Variants in ASS1 observed in about 807,000 individuals in gnomAD.
ASS1 encodes the protein argininosuccinate synthase.
A neutral mutation model predicts 60.5 loss-of-function variants in ASS1; 58 were observed. The observed-to-expected ratio is 0.96, with a 90% CI of 0.78 to 1.19. The LOEUF (loss-of-function observed/expected upper bound fraction) is 1.19. ASS1 is among the 50% of genes most tolerant of loss of function. The pLI is 0.00. For missense variants in ASS1, 454 were observed against 547.3 expected, an observed-to-expected ratio of 0.83 and a Z score of 1.70; for synonymous variants, 200 against 206.9, an observed-to-expected ratio of 0.97 and a Z score of 0.29.
At chr9:130,498,670 AACC>A (rs557404748) in intron 13 of ASS1, among the ~76,000 whole-genome samples, 19 of 152,324 alleles carry the variant, frequency 1.2e-4, no homozygotes, top group African/African-American at 4.3e-4. Context: ...ACTGAGAGCT[AACC>A]ACCATCACGC....
At chr9:130,458,157 T>TG (rs1678812577) in intron 3 of ASS1, among the ~76,000 whole-genome samples, 6 of 104,258 alleles carry the variant, frequency 5.8e-5, no homozygotes, top group Admixed American at 4.0e-4. Flanking sequence ...AGACTTCGAC[T>TG]CAAAAAAAAA....
chr9:130,479,992 C>A, intron 10 of ASS1, 192 bp downstream of exon 10: 2 of 753,820 alleles, frequency 2.7e-6, no homozygotes, highest in South Asian at 2.9e-5. Flanking sequence ...TGGTCCTTAG[C>A]CTTGGAAGAT....
chr9:130,461,483 G>T (rs1845593146), intron 4 of ASS1, among the ~76,000 whole-genome samples: 1 of 152,152 alleles, frequency 6.6e-6, no homozygotes, highest in African/African-American at 2.4e-5. Flanking sequence ...CCAAGCTAGT[G>T]CTATGGCCGC....
chr9:130,466,436 G>A (rs1406719499), intron 5 of ASS1: 1 of 513,806 alleles, frequency 1.9e-6, no homozygotes, highest in Admixed American at 3.2e-5. Flanking sequence ...CAAACTCTCA[G>A]GTCTCATCTG....
chr9:130,465,056 A>ATATATATATATATTTTTTTTTTTTTTTTT (rs1479147331), intron 5 of ASS1, among the ~76,000 whole-genome samples: 2 of 120,140 alleles, frequency 1.7e-5, no homozygotes, highest in African/African-American at 7.2e-5. Context: ...ATATATATAT[A>ATATATATATATATTTTTTTTTTTTTTTTT]TTTTTTTTTT....
Position 130,489,959 on chromosome 9 carries a change from T to C in ASS1, c.970+495T>C, listed in dbSNP as rs567422231. Among the ~76,000 whole-genome samples the C allele has an allele frequency of 6.6e-6, 1 of 152,324 alleles. No homozygotes were observed. The highest frequency in any genetic ancestry group is 2.1e-4 in the South Asian group (1 of 4,824). ...AGAACCTGGACCTACTCCATGAACT[T>C]GAGGGAGAGGCTCCCTGGACCAGGA... On this transcript the variant is annotated intron_variant, in intron 12 of 14. Transcript: ENST00000352480. The surrounding 1 kb of genome is among the most constrained non-coding windows in gnomAD (Gnocchi z 4.1).
At position 130,465,649 on chromosome 9, in the gene ASS1, GC is replaced by G. The variant is rs150692034; in HGVS notation, c.421-1071del. On this transcript the variant is annotated intron_variant, in intron 5 of 14. Coordinates refer to ENST00000352480, the MANE Select transcript of ASS1 (RefSeq NM_054012.4). ...CTCTGGAAGAGTTGCCCCCTCCTAA[GC>G]CCCCAAGGGGCTCACAGGAGTTTCC... Among the ~76,000 whole-genome samples, 996 of 152,302 alleles carry G rather than the reference GC, an allele frequency of 6.5e-3. 23 individuals carry two copies. The East Asian group carries it at 0.073, about 11-fold the overall frequency.
At chr9:130,492,031 T>C (rs537074315) in intron 12 of ASS1, among the ~76,000 whole-genome samples, 1 of 152,122 alleles carries the variant, frequency 6.6e-6, no homozygotes, top group South Asian at 2.1e-4. Context: ...ATCTGAAGAG[T>C]GGGAATAACA....
rs1464492632 is a variant in ASS1, at chr9:130,477,570, C to T, written c.688+609C>T. On this transcript the variant is annotated intron_variant, in intron 9 of 14. Transcript: ENST00000352480. This position sits in a 1 kb window ranked among gnomAD's most constrained non-coding sequence, Gnocchi z 4.2. Reference sequence around the variant, plus strand: ...CCTTCTCACTGCTGTCAACAAGAAGCGTTTGCTGACCTGGCCTGAGTGCCT... The same window carrying T: ...CCTTCTCACTGCTGTCAACAAGAAGTGTTTGCTGACCTGGCCTGAGTGCCT... Among the ~76,000 whole-genome samples the T allele has an allele frequency of 1.3e-5, 2 of 152,242 alleles. No individual in the cohort carries two copies. Among genetic ancestry groups the T allele is most frequent in the Non-Finnish European group, 2.9e-5 (2 of 68,036 alleles).
rs1352360520 is a variant in ASS1, at chr9:130,459,072, T to C, written c.363+483T>C. On this transcript the variant is annotated intron_variant, in intron 4 of 14. Transcript: ENST00000352480. This position sits in a 1 kb window ranked among gnomAD's most constrained non-coding sequence, Gnocchi z 4.6. The stretch of plus-strand genomic sequence containing the variant: ...AGATGGGGCTCATGCCATGTCTTAG[T>C]TTCCCAGGGCGAGGGTAACAAAATG... Among the ~76,000 whole-genome samples, 1 of 152,232 alleles carries C rather than the reference T, an allele frequency of 6.6e-6. No homozygotes were observed. Among genetic ancestry groups the C allele is most frequent in the Non-Finnish European group, 1.5e-5 (1 of 68,046 alleles).
intron 12 of ASS1, among the ~76,000 whole-genome samples, chr9:130,492,424 C>T (rs891578546): frequency 6.6e-6 from 1 of 152,164 alleles, no homozygotes; most frequent in Non-Finnish European, 1.5e-5. Context: ...CCCTCCTGCC[C>T]CAGCCTCACT....
At chr9:130,467,510 T>A (rs1207838256) in intron 6 of ASS1, among the ~76,000 whole-genome samples, 1 of 152,106 alleles carries the variant, frequency 6.6e-6, no homozygotes, top group Non-Finnish European at 1.5e-5. Context: ...AGGCTGGCTG[T>A]GAGCTCTCGC....
At chr9:130,462,490 CGTTT>C (rs1845622544) in intron 4 of ASS1, among the ~76,000 whole-genome samples, 1 of 152,050 alleles carries the variant, frequency 6.6e-6, no homozygotes, top group African/African-American at 2.4e-5. Context: ...ACCAAGGAAG[CGTTT>C]GTTTGGCCTC....
In ASS1 at chr9:130,466,794, G is replaced by T. The variant is rs201445618; in HGVS notation, c.490G>T (p.Ala164Ser). 2.5e-6 allele frequency: 4 copies of T among 1,613,890 alleles called. No individual in the cohort carries two copies. The African/African-American group carries it at 4.0e-5, about 16-fold the overall frequency. ...GGGCCGCAATGACCTGATGGAGTAC[G>T]CAAAGGTATGGCCGAGTCTCCCCAC... ...FKGRNDLMEY[A>S]KQHGIPIPVT... The change falls in exon 6 of 15, where the codon GCA becomes TCA. Residue 164 changes from alanine (A) to serine (S), a missense_variant. Transcript: ENST00000352480.
At position 130,491,861 on chromosome 9, in the gene ASS1, AG is replaced by A. The variant is rs1441412395; in HGVS notation, c.970+2400del. On this transcript the variant is annotated intron_variant, in intron 12 of 14. Coordinates refer to ENST00000352480, the MANE Select transcript of ASS1 (RefSeq NM_054012.4). The surrounding 1 kb of genome is among the most constrained non-coding windows in gnomAD (Gnocchi z 5.3). ...ACTTTGCCCTGGTCCGCTGACATGC[AG>A]GGCCCCACAAACATCAAGATCGGCC... Among the ~76,000 whole-genome samples the A allele has an allele frequency of 6.6e-6, 1 of 152,212 alleles. No individual in the cohort carries two copies.
Position 130,489,346 on chromosome 9 carries a change from C to T in ASS1, c.852C>T (p.Thr284=). Reference sequence around the variant, plus strand: ...AAAAATGGCTAGGTATCTACGAGACCCCAGCAGGCACCATCCTTTACCATG... The same window carrying T: ...AAAAATGGCTAGGTATCTACGAGACTCCAGCAGGCACCATCCTTTACCATG... The part of the protein sequence containing the change: ...IGMKSRGIYE[T]PAGTILYHAH... Residue 284 remains threonine, a synonymous_variant, in exon 12 of 15, where the codon ACC becomes ACT. Coordinates refer to ENST00000352480, the MANE Select transcript of ASS1 (RefSeq NM_054012.4). The surrounding 1 kb of genome is among the most constrained non-coding windows in gnomAD (Gnocchi z 4.1). 6.2e-7 allele frequency: 1 copy of T among 1,613,860 alleles called. No homozygotes were observed. Among genetic ancestry groups the T allele is most frequent in the Non-Finnish European group, 8.5e-7 (1 of 1,179,992 alleles).
chr9:130,474,835 C>T (rs1350996485), intron 8 of ASS1, among the ~76,000 whole-genome samples: 1 of 152,224 alleles, frequency 6.6e-6, no homozygotes, highest in Non-Finnish European at 1.5e-5. Flanking sequence ...TTTGGAGAAG[C>T]CACCTCTCAG....
At position 130,500,560 on chromosome 9, in the gene ASS1, C is replaced by T. The variant is rs181248728; in HGVS notation, c.1194-416C>T. Among the ~76,000 whole-genome samples the T allele has an allele frequency of 4.3e-4, 65 of 152,190 alleles. No homozygotes were observed. The highest frequency in any genetic ancestry group is 7.2e-4 in the Non-Finnish European group (49 of 68,000). ...TTGTCCCTGGAGGCACCTCATGCCC[C>T]GAGAGATGTTGAAGCCCGCCCATCT... is the stretch of plus-strand genomic sequence containing the variant. On this transcript the variant is annotated intron_variant, in intron 14 of 14. Coordinates refer to ENST00000352480, the MANE Select transcript of ASS1 (RefSeq NM_054012.4).
At chr9:130,467,536 G>C (rs770421687) in intron 6 of ASS1, among the ~76,000 whole-genome samples, 3 of 152,146 alleles carry the variant, frequency 2.0e-5, no homozygotes, top group Non-Finnish European at 4.4e-5. Context: ...CCAAGGTGCC[G>C]CGTGGTAGGG....
Sources: allele counts gnomAD v4.1 joint callset (sites outside exome capture counted in the v4.1 genomes callset), GRCh38; gene constraint gnomAD v4.1.1; non-coding constraint Gnocchi (gnomAD v3.1); transcripts MANE v1.5; gene names NCBI Gene and HGNC (gene_info 2026-07-23, HGNC 2026-07-21).